ZNF263: variants seen among roughly 807,000 people sequenced by gnomAD.
ZNF263 encodes zinc finger protein FPM315.
In ZNF263, 49 loss-of-function variants were observed where a neutral mutation model predicts 63.1. The ratio of observed to expected loss-of-function variants is 0.78; its 90% confidence interval spans 0.62 to 0.99. The LOEUF is 0.99. Among genes scored for constraint, ZNF263 ranks in the 50% least tolerant of loss-of-function variants. ZNF263 has a pLI of 0.00. For synonymous variants in ZNF263, 352 were observed against 324.2 expected, an observed-to-expected ratio of 1.09 and a Z score of -0.92; for missense variants, 872 against 854.8, an observed-to-expected ratio of 1.02 and a Z score of -0.25.
intron 1 of ZNF263, among the ~76,000 whole-genome samples, chr16:3,284,690 T>C (rs1285015906): frequency 6.6e-6 from 1 of 152,124 alleles, no homozygotes; most frequent in Non-Finnish European, 1.5e-5. Flanking sequence ...TGGGCCTCCG[T>C]TAATTGTGAA....
chr16:3,295,051 G>T (rs181631381), downstream of ZNF263, among the ~76,000 whole-genome samples: 1 of 152,148 alleles, frequency 6.6e-6, no homozygotes, highest in African/African-American at 2.4e-5. Context: ...AGCACCCGGC[G>T]CAAGTGTGAG....
chr16:3,285,388 G>C, intron 2 of ZNF263, 149 bp downstream of exon 2: 1 of 1,023,562 alleles, frequency 9.8e-7, no homozygotes, highest in South Asian at 1.7e-5. Flanking sequence ...AGTTGGTGGT[G>C]TGGGTTCTCC....
chr16:3,296,678 A>G (rs1297849327), intron 1 of ZNF263, among the ~76,000 whole-genome samples: 1 of 152,248 alleles, frequency 6.6e-6, no homozygotes, highest in East Asian at 1.9e-4. Flanking sequence ...GTTCTGGGTA[A>G]TAAATAAGGC....
At chr16:3,284,279 A>AATTC in intron 1 of ZNF263, 74 bp downstream of exon 1, 1 of 1,454,142 alleles carries the variant, frequency 6.9e-7, no homozygotes, top group Non-Finnish European at 9.1e-7. Context: ...CCCCCGGTCG[A>AATTC]ATTCAAGTAA....
At chr16:3,286,378 G>A in intron 4 of ZNF263, 1 of 484,908 alleles carries the variant, frequency 2.1e-6, no homozygotes, top group Non-Finnish European at 3.5e-6. Context: ...AGGCGAGTCT[G>A]AGCCATGTGC....
Position 3,296,863 on chromosome 16 carries a change from C to A in ZNF263, c.152-2243C>A, listed in dbSNP as rs1031138516. 3.9e-5 allele frequency among the ~76,000 whole-genome samples: 6 copies of A among 152,182 alleles called. 1 individual carries two copies. The South Asian group carries it at 6.2e-4, about 16-fold the overall frequency. On this transcript the variant is annotated intron_variant, in intron 1 of 2. Transcript: ENST00000574674. ...AAAGGAGAGAAAAGTAATGTAAATT[C>A]TTTCCAATTTTACTTAAATTAGGAA...
intron 1 of ZNF263, chr16:3,298,803 T>C (rs1959840976): frequency 2.5e-6 from 1 of 393,146 alleles, no homozygotes; most frequent in Non-Finnish European, 4.5e-6. Flanking sequence ...AAACACAAAT[T>C]TAAATAAATT....
intron 5 of ZNF263, 27 bp from the exon 6 acceptor site, chr16:3,289,366 C>G (rs749658541): frequency 2.0e-6 from 3 of 1,500,708 alleles, no homozygotes; most frequent in African/African-American, 2.8e-5. Context: ...AAATAATGTA[C>G]GGGTTTGGTT....
Position 3,290,336 on chromosome 16 carries a change from A to G in ZNF263, c.1830A>G (p.Glu610=). Residue 610 remains glutamate (E), a synonymous_variant, in exon 6 of 6, where the codon GAA becomes GAG. Transcript: ENST00000219069. ...EKPYKCTLCG[E]NFSHRSNLIR... is the part of the protein sequence containing the mutation. The stretch of plus-strand genomic sequence containing the variant: ...CGTATAAATGTACCCTTTGTGGGGA[A>G]AACTTCTCTCATAGATCCAATTTAA... 4 of 1,614,008 alleles carry G rather than the reference A, an allele frequency of 2.5e-6. No individual in the cohort carries two copies. The highest frequency in any genetic ancestry group is 3.4e-6 in the Non-Finnish European group (4 of 1,179,972).
chr16:3,285,383 G>T (rs754809128), intron 2 of ZNF263, 144 bp downstream of exon 2: 2 of 1,032,524 alleles, frequency 1.9e-6, no homozygotes, highest in East Asian at 2.6e-5. Flanking sequence ...CCTGCAGTTG[G>T]TGGTGTGGGT....
chr16:3,283,532 A>C lies in ZNF263; in HGVS notation c.-287A>C. ...TTTCCGGCGTGGGAGCAGAGGTCTG[A>C]GTCTTGCGTGGGTCCTCTATATAGG... On this transcript the variant is annotated 5_prime_UTR_variant, in exon 1 of 6. Transcript: ENST00000219069. 1 of 296,210 alleles carries C rather than the reference A, an allele frequency of 3.4e-6. No homozygotes were observed. The highest frequency in any genetic ancestry group is 5.3e-5 in the Admixed American group (1 of 18,880). 18.3% of individuals were successfully genotyped at this position (296,210 alleles called of 1,614,324 possible). A position where few individuals can be genotyped will look rare whatever the true frequency, so the allele number is the denominator to read the frequency against.
chr16:3,295,064 C>T (rs1959708676), downstream of ZNF263, among the ~76,000 whole-genome samples: 1 of 152,176 alleles, frequency 6.6e-6, no homozygotes, highest in Non-Finnish European at 1.5e-5. Flanking sequence ...AGTGTGAGTG[C>T]CTGGACTTCT....
At chr16:3,294,633 G>C (rs776568936), downstream of ZNF263, among the ~76,000 whole-genome samples, 13 of 152,070 alleles carry the variant, frequency 8.5e-5, no homozygotes, top group Non-Finnish European at 1.5e-4. Flanking sequence ...TGCCTGAGTG[G>C]TACAGTGAAG....
At chr16:3,295,830 G>A (rs975047597), downstream of ZNF263, among the ~76,000 whole-genome samples, 1 of 152,236 alleles carries the variant, frequency 6.6e-6, no homozygotes, top group Non-Finnish European at 1.5e-5. Context: ...GAAGAGTGGA[G>A]AGGAGAGATC....
Position 3,289,484 on chromosome 16 carries a change from G to A in ZNF263, c.978G>A (p.Gly326=). ...PQVLLPDQAR[G]EVPWSPELGR... ...TGCTGCTTCCTGACCAGGCCCGAGGGGAGGTGCCCTGGAGTCCTGAGCTGG... is the reference window on the plus strand; with the variant it reads ...TGCTGCTTCCTGACCAGGCCCGAGGAGAGGTGCCCTGGAGTCCTGAGCTGG... The change falls in exon 6 of 6, where the codon GGG becomes GGA. Residue 326 remains glycine (G), a synonymous_variant. Transcript: ENST00000219069. 6.4e-7 allele frequency: 1 copy of A among 1,550,402 alleles called. No individual in the cohort carries two copies. Among genetic ancestry groups the A allele is most frequent in the Non-Finnish European group, 8.7e-7 (1 of 1,149,998 alleles).
intron 4 of ZNF263, among the ~76,000 whole-genome samples, 189 bp from the exon 5 acceptor site, chr16:3,288,265 A>G (rs1423964686): frequency 6.6e-6 from 1 of 151,942 alleles, no homozygotes; most frequent in Non-Finnish European, 1.5e-5. Flanking sequence ...AAAAAAAAAA[A>G]AGTCTCCCTC....
chr16:3,299,314 A>T, intron 2 of ZNF263: 1 of 1,603,136 alleles, frequency 6.2e-7, no homozygotes, highest in Non-Finnish European at 8.5e-7. Context: ...ATCATCATCC[A>T]ACTTAGTTTC....
Position 3,290,568 on chromosome 16 carries a change from G to A in ZNF263, c.*10G>A, listed in dbSNP as rs1310720559. 1 of 1,592,406 alleles carries A rather than the reference G, an allele frequency of 6.3e-7. No homozygotes were observed. Among genetic ancestry groups the A allele is most frequent in the East Asian group, 2.2e-5 (1 of 44,722 alleles). On this transcript the variant is annotated 3_prime_UTR_variant, in exon 6 of 6. Transcript: ENST00000219069. ...AACTCACACAGGTTAGTAACAGTGG[G>A]GTTTCTCTTTGCCCCAGGTGAGGTG... is the stretch of plus-strand genomic sequence containing the variant.
rs761300241 is a variant in ZNF263, at chr16:3,286,026, C to A, written c.646C>A (p.Pro216Thr). ...AGGAGATCTTGTGCTGTTTCAGTTG[C>A]CTGAGAGCTTAGAGGACGTGGCAAT... ...EDKEMTGPQLPESLEDVAMYI... is the reference protein window; with the variant it reads ...EDKEMTGPQLTESLEDVAMYI... Residue 216 changes from proline (P) to threonine (T), a missense_variant, in exon 4 of 6, where the codon CCT becomes ACT. Coordinates refer to ENST00000219069, the MANE Select transcript of ZNF263 (RefSeq NM_005741.5). 6.2e-7 allele frequency: 1 copy of A among 1,613,758 alleles called. No homozygotes were observed. Among genetic ancestry groups the A allele is most frequent in the Non-Finnish European group, 8.5e-7 (1 of 1,179,918 alleles).
Sources: gnomAD v4.1 joint callset for allele counts (sites outside exome capture counted in the v4.1 genomes callset) on GRCh38, gnomAD v4.1.1 for gene constraint, MANE v1.5 for transcripts, NCBI Gene and HGNC (gene_info 2026-07-23, HGNC 2026-07-21) for gene names.